MLLT3: variants seen among roughly 807,000 people sequenced by gnomAD.
MLLT3 encodes protein AF-9.
Under a neutral mutation model 53.2 loss-of-function variants are expected in MLLT3, and 4 were observed. The observed-to-expected ratio is 0.08, with a 90% CI of 0.04 to 0.17. The LOEUF (loss-of-function observed/expected upper bound fraction) is 0.17, where lower values mean the gene tolerates loss of function less well. MLLT3 is among the 10% of genes least tolerant of loss of function. MLLT3 has a pLI of 1.00. For synonymous variants in MLLT3, 283 were observed against 230.6 expected (o/e 1.23, Z -2.06); for missense variants, 569 against 684.0 (o/e 0.83, Z 1.87).
chr9:20,602,457 T>C (rs991625846), intron 2 of MLLT3, among the ~76,000 whole-genome samples: 1 of 152,118 alleles, frequency 6.6e-6, no homozygotes, highest in African/African-American at 2.4e-5. Context: ...GTTTTGACTA[T>C]AAATTAACAG....
chr9:20,361,574 A>C (rs754566012), intron 7 of MLLT3, among the ~76,000 whole-genome samples: 3 of 152,208 alleles, frequency 2.0e-5, no homozygotes, highest in Non-Finnish European at 4.4e-5. Context: ...CGCTACAACA[A>C]CACAAAGAAA....
intron 2 of MLLT3, among the ~76,000 whole-genome samples, chr9:20,465,388 ACGC>A (rs1824210265): frequency 6.6e-6 from 1 of 152,126 alleles, no homozygotes; most frequent in Admixed American, 6.5e-5. Flanking sequence ...ACTTTTAAAT[ACGC>A]TACACCCATA....
chr9:20,347,912 A>C (rs1165058429), intron 10 of MLLT3, among the ~76,000 whole-genome samples: 1 of 152,224 alleles, frequency 6.6e-6, no homozygotes, highest in African/African-American at 2.4e-5. Context: ...TGAAACTTTT[A>C]ACCTTCTCTT....
chr9:20,588,193 T>C (rs1348637278), intron 2 of MLLT3, among the ~76,000 whole-genome samples: 3 of 151,808 alleles, frequency 2.0e-5, no homozygotes, highest in Non-Finnish European at 2.9e-5. Flanking sequence ...TCTGTTCCAT[T>C]GATCTATATC....
At chr9:20,596,527 T>A (rs1820271832) in intron 2 of MLLT3, among the ~76,000 whole-genome samples, 1 of 152,018 alleles carries the variant, frequency 6.6e-6, no homozygotes, top group Admixed American at 6.6e-5. Flanking sequence ...TTGTCTCTAC[T>A]AAAAATACAA....
At chr9:20,412,414 T>A (rs948400908) in intron 5 of MLLT3, among the ~76,000 whole-genome samples, 1 of 152,228 alleles carries the variant, frequency 6.6e-6, no homozygotes, top group Non-Finnish European at 1.5e-5. Flanking sequence ...GTATTTTATA[T>A]GCTACTGTCC....
In MLLT3 at chr9:20,621,036, C is replaced by A; in HGVS notation, c.13-202G>T. The A allele has an allele frequency of 1.4e-6, 1 of 709,220 alleles. No homozygotes were observed. The highest frequency in any genetic ancestry group is 2.7e-5 in the East Asian group (1 of 37,026). 43.9% of individuals were successfully genotyped at this position (709,220 alleles called of 1,614,324 possible). On this transcript the variant is annotated intron_variant, in intron 1 of 10. Transcript: ENST00000380338. This position sits in a 1 kb window ranked among gnomAD's most constrained non-coding sequence, Gnocchi z 7.0. ...ACCCGCCCGCCCGGCCCGGCTTGGCCCCAGGCGCCCCGGGCCCCGCATCTA... is the reference window on the plus strand; with the variant it reads ...ACCCGCCCGCCCGGCCCGGCTTGGCACCAGGCGCCCCGGGCCCCGCATCTA...
intron 2 of MLLT3, among the ~76,000 whole-genome samples, chr9:20,470,014 ATAGTC>A: frequency 6.6e-6 from 1 of 152,196 alleles, no homozygotes; most frequent in Middle Eastern, 3.4e-3. Flanking sequence ...GAATTCTATT[ATAGTC>A]TAATTTATTT....
chr9:20,603,104 T>C (rs1820474158), intron 2 of MLLT3, among the ~76,000 whole-genome samples: 1 of 152,090 alleles, frequency 6.6e-6, no homozygotes, highest in African/African-American at 2.4e-5. Context: ...ACTTTCTCTT[T>C]ACCATTAGCA....
intron 9 of MLLT3, 119 bp downstream of exon 9, chr9:20,354,689 T>C (rs1821119157): frequency 4.3e-6 from 3 of 700,370 alleles, no homozygotes; most frequent in African/African-American, 3.6e-5. Flanking sequence ...CATTTGGGCA[T>C]CTTGGACACT....
chr9:20,492,481 CA>C (rs1367461114), intron 2 of MLLT3, among the ~76,000 whole-genome samples: 6 of 151,848 alleles, frequency 4.0e-5, no homozygotes, highest in African/African-American at 1.4e-4. Context: ...AAAATGAACT[CA>C]AGAGGCGATA....
chr9:20,455,350 T>C (rs1258386978), intron 3 of MLLT3, among the ~76,000 whole-genome samples: 1 of 152,214 alleles, frequency 6.6e-6, no homozygotes, highest in African/African-American at 2.4e-5. Flanking sequence ...GGACTGAGAC[T>C]GCTATAAGTT....
At chr9:20,362,030 G>A (rs1821335972) in intron 7 of MLLT3, among the ~76,000 whole-genome samples, 1 of 152,236 alleles carries the variant, frequency 6.6e-6, no homozygotes. Context: ...GTGTTCAGTT[G>A]AAGTGCTGTT....
chr9:20,568,728 T>C (rs1178719835), intron 2 of MLLT3, among the ~76,000 whole-genome samples: 19 of 152,228 alleles, frequency 1.2e-4, no homozygotes, highest in Admixed American at 1.2e-3. Context: ...GAAAATATCA[T>C]CTGTTTAACA....
intron 2 of MLLT3, among the ~76,000 whole-genome samples, chr9:20,566,058 A>G (rs1819368560): frequency 1.1e-5 from 1 of 92,888 alleles, no homozygotes; most frequent in Non-Finnish European, 2.2e-5. Context: ...ATATATTTAT[A>G]TATATATTTG....
At chr9:20,523,820 A>T (rs1378984212) in intron 2 of MLLT3, among the ~76,000 whole-genome samples, 3 of 151,982 alleles carry the variant, frequency 2.0e-5, no homozygotes, top group South Asian at 2.1e-4. Flanking sequence ...AAAATACAAA[A>T]ATTTGCCAGG....
chr9:20,347,075 CAAAAAAA>C (rs11295975), intron 10 of MLLT3, among the ~76,000 whole-genome samples: 4 of 83,018 alleles, frequency 4.8e-5, no homozygotes, highest in Non-Finnish European at 1.1e-4. Context: ...CAGGAACTCC[CAAAAAAA>C]AAAAAAAAAA....
intron 2 of MLLT3, among the ~76,000 whole-genome samples, chr9:20,515,687 T>C (rs1431591757): frequency 6.6e-6 from 1 of 152,186 alleles, no homozygotes; most frequent in African/African-American, 2.4e-5. Context: ...TCTTTGGATG[T>C]TTATCTGACG....
chr9:20,405,626 C>T (rs1008853576), intron 5 of MLLT3, among the ~76,000 whole-genome samples: 4 of 152,270 alleles, frequency 2.6e-5, no homozygotes, highest in African/African-American at 9.6e-5. Context: ...ATAAAAGAGT[C>T]CCACACAGGT....
Sources: allele counts gnomAD v4.1 joint callset (sites outside exome capture counted in the v4.1 genomes callset), GRCh38; gene constraint gnomAD v4.1.1; non-coding constraint Gnocchi (gnomAD v3.1); transcripts MANE v1.5; gene names NCBI Gene and HGNC (gene_info 2026-07-23, HGNC 2026-07-21).